Variants in CCDC169 observed in about 807,000 individuals in gnomAD.
The protein encoded by CCDC169 is coiled-coil domain-containing protein 169.
CCDC169 carries 30 observed loss-of-function variants against 36.0 expected under a neutral mutation model. That is an observed-to-expected ratio of 0.83 (90% confidence interval 0.62 to 1.13). CCDC169 has a LOEUF of 1.13. CCDC169 is among the 50% of genes most tolerant of loss of function. CCDC169 has a pLI of 0.00. For missense variants in CCDC169, 245 were observed against 245.9 expected (o/e 1.00, Z 0.03); for synonymous variants, 85 against 81.5 (o/e 1.04, Z -0.23).
intron 2 of CCDC169, among the ~76,000 whole-genome samples, chr13:36,294,639 C>A (rs1000116850): frequency 6.6e-6 from 1 of 152,058 alleles, no homozygotes; most frequent in Non-Finnish European, 1.5e-5. Context: ...AGGCTTTATT[C>A]GGCCGGGAGC....
At chr13:36,261,609 A>G (rs1407729403) in intron 4 of CCDC169, among the ~76,000 whole-genome samples, 1 of 152,188 alleles carries the variant, frequency 6.6e-6, no homozygotes, top group East Asian at 1.9e-4. Flanking sequence ...CTGGCTGGAC[A>G]CTCAACTGGT....
Position 36,231,083 on chromosome 13 carries a change from G to C in CCDC169, c.*110C>G. 1 of 1,441,228 alleles carries C rather than the reference G, an allele frequency of 6.9e-7. No homozygotes were observed. The highest frequency in any genetic ancestry group is 2.5e-5 in the East Asian group (1 of 39,384). 89.3% of individuals were successfully genotyped at this position (1,441,228 alleles called of 1,614,324 possible). On this transcript the variant is annotated 3_prime_UTR_variant, in exon 8 of 8. Coordinates refer to ENST00000239859, the MANE Select transcript of CCDC169 (RefSeq NM_001144981.3). ...AAAGGAACTAAAGAAAAATGTGGCA[G>C]TTCTTATCTATTTTATTCCCTGAAG...
Position 36,254,082 on chromosome 13 carries a change from A to C in CCDC169, c.377T>G (p.Val126Gly), listed in dbSNP as rs1192276474. The C allele has an allele frequency of 6.5e-7, 1 of 1,548,818 alleles. No individual in the cohort carries two copies. The highest frequency in any genetic ancestry group is 1.2e-5 in the South Asian group (1 of 83,524). The change falls in exon 5 of 8, where the codon GTG (valine) becomes GGG (glycine). Residue 126 changes from valine (V) to glycine (G), a missense_variant. Transcript: ENST00000239859. ...TTCCAGTTTAAGTGCATAGTATTTC[A>C]CTTGACTTTCAAGAGTCTTCTTTTC... ...EEEKKTLESQ[V>G]KYYALKLEQE...
At position 36,258,661 on chromosome 13, in the gene CCDC169, G is replaced by A. The variant is rs117632849; in HGVS notation, c.316-4518C>T. 2.2e-3 allele frequency among the ~76,000 whole-genome samples: 332 copies of A among 152,238 alleles called. 1 individual carries two copies. The highest frequency in any genetic ancestry group is 3.4e-3 in the Non-Finnish European group (231 of 68,020). On this transcript the variant is annotated intron_variant, in intron 4 of 7. Transcript: ENST00000239859. ...GAAGGAACCCTCATTTCCAGGAGCT[G>A]CCCACCCCTTTCACGGAAAACTCAT...
chr13:36,283,440 T>C, intron 4 of CCDC169, 29 bp downstream of exon 4: 1 of 1,533,154 alleles, frequency 6.5e-7, no homozygotes, highest in Non-Finnish European at 8.8e-7. Context: ...CTTCAATTAT[T>C]CTTTGTGTTT....
chr13:36,238,177 T>C (rs1331005998), intron 7 of CCDC169, among the ~76,000 whole-genome samples: 1 of 152,172 alleles, frequency 6.6e-6, no homozygotes, highest in Non-Finnish European at 1.5e-5. Flanking sequence ...CTTTTTGGGG[T>C]GATGAAAATG....
At chr13:36,281,525 T>G (rs1411818890) in intron 4 of CCDC169, among the ~76,000 whole-genome samples, 1 of 152,096 alleles carries the variant, frequency 6.6e-6, no homozygotes, top group Non-Finnish European at 1.5e-5. Context: ...ATGTGAATAA[T>G]TTTTTCTAAA....
chr13:36,267,602 G>A (rs935931457), intron 4 of CCDC169, among the ~76,000 whole-genome samples: 7 of 151,938 alleles, frequency 4.6e-5, no homozygotes, highest in African/African-American at 1.2e-4. Context: ...ACAGTGCCTC[G>A]TATCTCAATA....
intron 4 of CCDC169, among the ~76,000 whole-genome samples, chr13:36,276,186 G>A (rs1487025448): frequency 2.6e-5 from 4 of 152,084 alleles, no homozygotes; most frequent in African/African-American, 7.2e-5. Flanking sequence ...ATCTACCTAC[G>A]ATTCCAAATT....
intron 4 of CCDC169, among the ~76,000 whole-genome samples, chr13:36,255,586 C>T (rs1873763904): frequency 6.7e-6 from 1 of 150,030 alleles, no homozygotes; most frequent in African/African-American, 2.5e-5. Context: ...CGCTTGGAAC[C>T]CAGGAGGCAG....
intron 4 of CCDC169, among the ~76,000 whole-genome samples, chr13:36,274,075 A>G (rs778282245): frequency 1.5e-4 from 23 of 152,212 alleles, no homozygotes; most frequent in Admixed American, 4.6e-4. Flanking sequence ...CCTGCTTCCT[A>G]TGAGTTGTGT....
intron 7 of CCDC169, among the ~76,000 whole-genome samples, chr13:36,235,487 A>G (rs773882740): frequency 5.9e-5 from 9 of 151,980 alleles, no homozygotes; most frequent in Non-Finnish European, 1.2e-4. Flanking sequence ...TAAACCTGAT[A>G]AAGAAAATCT....
At chr13:36,233,808 A>G (rs1371167821) in intron 7 of CCDC169, among the ~76,000 whole-genome samples, 1 of 152,210 alleles carries the variant, frequency 6.6e-6, no homozygotes, top group Non-Finnish European at 1.5e-5. Context: ...ATTTTCCCCC[A>G]AAATATATTT....
At chr13:36,282,351 A>C (rs1877636873) in intron 4 of CCDC169, 3 of 980,298 alleles carry the variant, frequency 3.1e-6, no homozygotes, top group African/African-American at 1.7e-5. Flanking sequence ...AATAAGACTT[A>C]GTTTTGTCCT....
Position 36,267,561 on chromosome 13 carries a change from T to C in CCDC169, c.316-13418A>G, listed in dbSNP as rs368715897. Among the ~76,000 whole-genome samples, 73 of 152,118 alleles carry C rather than the reference T, an allele frequency of 4.8e-4. No individual in the cohort carries two copies. In the East Asian group the frequency reaches 8.7e-3, roughly 18 times the overall value. ...AAACAATAACACAATGAAAAAAAAC[T>C]ATCTAGGTAACAATTAATATGATGA... On this transcript the variant is annotated intron_variant, in intron 4 of 7. Coordinates refer to ENST00000239859, the MANE Select transcript of CCDC169 (RefSeq NM_001144981.3).
intron 4 of CCDC169, among the ~76,000 whole-genome samples, chr13:36,265,179 C>G (rs1313994975): frequency 6.6e-6 from 1 of 152,192 alleles, no homozygotes; most frequent in South Asian, 2.1e-4. Context: ...TGACCGTCCA[C>G]TTTTGTCTGT....
At chr13:36,268,004 T>C (rs1240429774) in intron 4 of CCDC169, among the ~76,000 whole-genome samples, 1 of 151,910 alleles carries the variant, frequency 6.6e-6, no homozygotes, top group Non-Finnish European at 1.5e-5. Flanking sequence ...ATCTAAGAAA[T>C]GAGACAGCAA....
intron 6 of CCDC169, among the ~76,000 whole-genome samples, chr13:36,251,176 G>T (rs1046631822): frequency 1.3e-5 from 2 of 152,204 alleles, no homozygotes; most frequent in African/African-American, 4.8e-5. Context: ...GTGAGACAAA[G>T]CTACAGAGAG....
downstream of CCDC169, chr13:36,225,274 A>C (rs1447122267): frequency 6.6e-6 from 1 of 151,980 alleles, no homozygotes; most frequent in Non-Finnish European, 1.5e-5. Flanking sequence ...GCATGATCAC[A>C]GCTCACTGCA....
Sources: gnomAD v4.1 joint callset for allele counts (sites outside exome capture counted in the v4.1 genomes callset) on GRCh38, gnomAD v4.1.1 for gene constraint, MANE v1.5 for transcripts, NCBI Gene and HGNC (gene_info 2026-07-23, HGNC 2026-07-21) for gene names.